Variants in CDH13 observed in about 807,000 individuals in gnomAD.
The protein encoded by CDH13 is cadherin 13.
A neutral mutation model predicts 63.8 loss-of-function variants in CDH13; 24 were observed. That is an observed-to-expected ratio of 0.38 (90% CI 0.27 to 0.53). The LOEUF is 0.53. Among genes scored for constraint, CDH13 ranks in the 20% least tolerant of loss-of-function variants. The pLI, the probability that CDH13 is intolerant of heterozygous loss-of-function variation, is 0.85. For synonymous variants in CDH13, 503 were observed against 355.3 expected (o/e 1.42, Z -4.67); for missense variants, 1,049 against 903.1 (o/e 1.16, Z -2.07).
chr16:82,821,677 G>A (rs948679771), intron 1 of CDH13, among the ~76,000 whole-genome samples: 1 of 152,222 alleles, frequency 6.6e-6, no homozygotes, highest in African/African-American at 2.4e-5. Flanking sequence ...CTTGAAAGAA[G>A]GAGAGTAATA....
At chr16:82,729,387 G>T (rs776593793) in intron 1 of CDH13, among the ~76,000 whole-genome samples, 178 of 152,234 alleles carry the variant, frequency 1.2e-3, no homozygotes, top group Non-Finnish European at 2.2e-3. Context: ...CTGCGCAATA[G>T]ATGTTACATT....
At chr16:82,960,474 G>A (rs1028391639) in intron 2 of CDH13, among the ~76,000 whole-genome samples, 4 of 152,230 alleles carry the variant, frequency 2.6e-5, no homozygotes, top group African/African-American at 9.6e-5. Context: ...GGAGCCAAGG[G>A]GAGATGTGGG....
chr16:83,335,783 C>T (rs972970942), intron 5 of CDH13, among the ~76,000 whole-genome samples: 5 of 152,094 alleles, frequency 3.3e-5, no homozygotes, highest in African/African-American at 1.2e-4. Flanking sequence ...ACCCCAGTCA[C>T]GTACCCCCTG....
At chr16:82,967,364 A>AT (rs1409249092) in intron 2 of CDH13, among the ~76,000 whole-genome samples, 1 of 152,080 alleles carries the variant, frequency 6.6e-6, no homozygotes, top group Admixed American at 6.5e-5. Flanking sequence ...TTCTATAATG[A>AT]TTTTTTTAAA....
intron 10 of CDH13, among the ~76,000 whole-genome samples, chr16:83,713,845 C>T (rs778179866): frequency 6.6e-4 from 100 of 152,208 alleles, no homozygotes; most frequent in Admixed American, 1.0e-3. Flanking sequence ...TATCAGGAAT[C>T]TCTCTCCCTC....
chr16:83,449,891 G>A (rs1296502877), intron 6 of CDH13, among the ~76,000 whole-genome samples: 1 of 152,214 alleles, frequency 6.6e-6, no homozygotes, highest in South Asian at 2.1e-4. Context: ...AGAAAGTGCC[G>A]AATAAGTGAC....
intron 10 of CDH13, among the ~76,000 whole-genome samples, chr16:83,733,013 T>C (rs991647820): frequency 3.3e-5 from 5 of 152,184 alleles, no homozygotes; most frequent in Non-Finnish European, 5.9e-5. Flanking sequence ...GTGTGAAAAT[T>C]ACAACATCAG....
chr16:82,826,121 C>G (rs911219872), intron 1 of CDH13: 2 of 152,220 alleles, frequency 1.3e-5, no homozygotes, highest in Admixed American at 1.3e-4. Context: ...TCCCAAAGTG[C>G]TGGAATTACA....
intron 5 of CDH13, among the ~76,000 whole-genome samples, chr16:83,222,263 G>A (rs1293255250): frequency 6.6e-6 from 1 of 152,122 alleles, no homozygotes; most frequent in East Asian, 1.9e-4. Flanking sequence ...TGAATTTGTG[G>A]TCAAGAATGT....
At chr16:82,912,472 C>T (rs1468676962) in intron 2 of CDH13, among the ~76,000 whole-genome samples, 1 of 152,190 alleles carries the variant, frequency 6.6e-6, no homozygotes, top group Non-Finnish European at 1.5e-5. Flanking sequence ...GGGGTCTTCC[C>T]AGCTGGTGTA....
intron 4 of CDH13, among the ~76,000 whole-genome samples, chr16:83,175,933 A>T (rs1202340167): frequency 6.8e-6 from 1 of 146,136 alleles, no homozygotes; most frequent in Non-Finnish European, 1.5e-5. Context: ...GGTTCAAGCG[A>T]TTCTCCTGCC....
chr16:82,700,520 A>AGT (rs5818398), intron 1 of CDH13, among the ~76,000 whole-genome samples: 29 of 150,906 alleles, frequency 1.9e-4, no homozygotes, highest in East Asian at 1.4e-3. Flanking sequence ...AGGGCTAGTA[A>AGT]GTGTGTGTGT....
chr16:83,181,720 T>G (rs1445098689), intron 4 of CDH13, among the ~76,000 whole-genome samples: 1 of 152,162 alleles, frequency 6.6e-6, no homozygotes, highest in Admixed American at 6.5e-5. Context: ...TGTTCACCCT[T>G]GGTCCCTGGA....
chr16:83,334,551 A>AG (rs1223487367), intron 5 of CDH13, among the ~76,000 whole-genome samples: 1 of 151,062 alleles, frequency 6.6e-6, no homozygotes, highest in Non-Finnish European at 1.5e-5. Context: ...TAAAAAAAAA[A>AG]AAATACAGAG....
At chr16:83,126,740 T>C (rs972552833) in intron 4 of CDH13, among the ~76,000 whole-genome samples, 24 of 152,324 alleles carry the variant, frequency 1.6e-4, no homozygotes, top group Admixed American at 6.5e-4. Flanking sequence ...TGGTGGTTGG[T>C]TAAATGAATG....
At chr16:82,631,540 T>A (rs1032817776) in intron 1 of CDH13, among the ~76,000 whole-genome samples, 1 of 152,234 alleles carries the variant, frequency 6.6e-6, no homozygotes, top group Non-Finnish European at 1.5e-5. Flanking sequence ...CAGGTACCCA[T>A]GCACCTGTGA....
intron 2 of CDH13, among the ~76,000 whole-genome samples, chr16:83,003,220 A>T (rs551732385): frequency 7.9e-5 from 12 of 152,294 alleles, no homozygotes; most frequent in Non-Finnish European, 1.3e-4. Context: ...GCCAATGCAA[A>T]TATATTTTGA....
chr16:82,799,421 C>G (rs561567358), intron 1 of CDH13, among the ~76,000 whole-genome samples: 4 of 152,164 alleles, frequency 2.6e-5, no homozygotes, highest in Non-Finnish European at 5.9e-5. Flanking sequence ...GCTTTTAACC[C>G]TAATTTCTAG....
intron 6 of CDH13, among the ~76,000 whole-genome samples, chr16:83,473,212 A>G (rs556152968): frequency 1.3e-5 from 2 of 152,350 alleles, no homozygotes; most frequent in African/African-American, 4.8e-5. Context: ...TATTTTATAC[A>G]TACTTTCATT....
Sources: gnomAD v4.1 joint callset for allele counts (sites outside exome capture counted in the v4.1 genomes callset) on GRCh38, gnomAD v4.1.1 for gene constraint, MANE v1.5 for transcripts, NCBI Gene and HGNC (gene_info 2026-07-23, HGNC 2026-07-21) for gene names.